PRKCZ: variants seen among roughly 807,000 people sequenced by gnomAD.
PRKCZ encodes the protein protein kinase C zeta type.
A neutral mutation model predicts 79.5 loss-of-function variants in PRKCZ; 33 were observed. The ratio of observed to expected loss-of-function variants is 0.41; its 90% CI spans 0.31 to 0.55. The LOEUF (loss-of-function observed/expected upper bound fraction) is 0.55. PRKCZ is among the 20% of genes least tolerant of loss of function. PRKCZ has a pLI of 0.19. For missense variants in PRKCZ, 578 were observed against 813.5 expected, an observed-to-expected ratio of 0.71 and a Z score of 3.52; for synonymous variants, 342 against 320.9, an observed-to-expected ratio of 1.07 and a Z score of -0.70.
chr1:2,146,019 T>C lies in PRKCZ; in HGVS notation c.553-8T>C. On this transcript the variant is annotated splice_region_variant and splice_polypyrimidine_tract_variant and intron_variant, in intron 6 of 17. Transcript: ENST00000378567. ...GGTCATGCTGCCATCTCTGTGTCTC[T>C]CCGGCAGGATTCTGTCATGCCTTCC... The C allele has an allele frequency of 6.2e-7, 1 of 1,608,966 alleles. No homozygotes were observed. The highest frequency in any genetic ancestry group is 8.5e-7 in the Non-Finnish European group (1 of 1,175,306).
At chr1:2,151,470 CT>C (rs1241901421) in intron 9 of PRKCZ, among the ~76,000 whole-genome samples, 1 of 152,228 alleles carries the variant, frequency 6.6e-6, no homozygotes, top group Non-Finnish European at 1.5e-5. Flanking sequence ...TAGGAAATCT[CT>C]GGGGTTGAGC....
Position 2,082,920 on chromosome 1 carries a change from A to AG in PRKCZ, c.334+23332dup, listed in dbSNP as rs1231900422. 6.6e-6 allele frequency among the ~76,000 whole-genome samples: 1 copy of AG among 151,400 alleles called. No individual in the cohort carries two copies. ...GAGAGGGTGGCAGTGAGGGCGCGAG[A>AG]GGGTGGAGGGGCGGCATGAGGGAGC... On this transcript the variant is annotated intron_variant, in intron 4 of 17. Coordinates refer to ENST00000378567, the MANE Select transcript of PRKCZ (RefSeq NM_002744.6). The surrounding 1 kb of genome is among the most constrained non-coding windows in gnomAD (Gnocchi z 4.4).
chr1:2,050,128 C>T (rs1659498740), upstream of PRKCZ: 1 of 152,066 alleles, frequency 6.6e-6, no homozygotes, highest in Non-Finnish European at 1.5e-5. Flanking sequence ...AGCGAGTTCC[C>T]GGGGGCGCCG....
rs113812918 is a variant in PRKCZ, at chr1:2,173,976, C to T, written c.1365C>T (p.Thr455=). ...MAGRSPFDII[T]DNPDMNTEDY... is the part of the protein sequence containing the mutation. ...GGCGCTCCCCGTTCGACATCATCAC[C>T]GACAACCCGGACATGAACACAGAGG... The change falls in exon 14 of 18, where the codon ACC becomes ACT. Residue 455 remains threonine (T), a synonymous_variant. Transcript: ENST00000378567. This position sits in a 1 kb window ranked among gnomAD's most constrained non-coding sequence, Gnocchi z 5.7. 6.6e-4 allele frequency: 1,065 copies of T among 1,612,794 alleles called. 1 individual carries two copies. Among genetic ancestry groups the T allele is most frequent in the Middle Eastern group, 2.3e-3 (14 of 6,052 alleles).
At chr1:2,069,623 G>T (rs1180520880) in intron 4 of PRKCZ, among the ~76,000 whole-genome samples, 1 of 152,212 alleles carries the variant, frequency 6.6e-6, no homozygotes, top group African/African-American at 2.4e-5. Flanking sequence ...GACAGCCAGG[G>T]CCCTTTCTGC....
At position 2,149,270 on chromosome 1, in the gene PRKCZ, C is replaced by G. The variant is rs1679354928; in HGVS notation, c.687+346C>G. 6.6e-6 allele frequency among the ~76,000 whole-genome samples: 1 copy of G among 152,224 alleles called. No homozygotes were observed. Among genetic ancestry groups the G allele is most frequent in the African/African-American group, 2.4e-5 (1 of 41,444 alleles). On this transcript the variant is annotated intron_variant, in intron 8 of 17. Transcript: ENST00000378567. This position sits in a 1 kb window ranked among gnomAD's most constrained non-coding sequence, Gnocchi z 4.1. ...TCAAGTTGTGTCTGCACCATGCCTTCCGAATTGTGTTGCCTCATTTGGCCA... is the reference window on the plus strand; with the variant it reads ...TCAAGTTGTGTCTGCACCATGCCTTGCGAATTGTGTTGCCTCATTTGGCCA...
At chr1:2,053,474 G>A (rs370826658) in intron 1 of PRKCZ, among the ~76,000 whole-genome samples, 9 of 152,324 alleles carry the variant, frequency 5.9e-5, no homozygotes, top group East Asian at 3.9e-4. Flanking sequence ...CAACAGAGAC[G>A]CAGGAGTCTC....
In PRKCZ at chr1:2,147,179, C is replaced by T. The variant is rs553354220; in HGVS notation, c.634+1071C>T. Among the ~76,000 whole-genome samples, 6 of 151,968 alleles carry T rather than the reference C, an allele frequency of 3.9e-5. No homozygotes were observed. The South Asian group carries it at 1.2e-3, about 32-fold the overall frequency. On this transcript the variant is annotated intron_variant, in intron 7 of 17. Transcript: ENST00000378567. ...GTCTATCCGTCTATTGTCCACTGAC[C>T]TCTCCATCCAACCGTCTATTGTCCA... is the stretch of plus-strand genomic sequence containing the variant.
intron 4 of PRKCZ, among the ~76,000 whole-genome samples, chr1:2,064,767 G>A (rs1219738849): frequency 1.3e-5 from 2 of 152,200 alleles, no homozygotes; most frequent in East Asian, 3.8e-4. Flanking sequence ...TAGCTTTGTA[G>A]GAAGTTTTGA....
chr1:2,088,239 C>T (rs1224627251), intron 4 of PRKCZ, among the ~76,000 whole-genome samples: 1 of 152,134 alleles, frequency 6.6e-6, no homozygotes, highest in Non-Finnish European at 1.5e-5. Context: ...CACAGCTCTG[C>T]CCCCGTCTGT....
chr1:2,058,877 A>G (rs1660423008), intron 3 of PRKCZ, among the ~76,000 whole-genome samples: 1 of 152,210 alleles, frequency 6.6e-6, no homozygotes, highest in Non-Finnish European at 1.5e-5. Flanking sequence ...GCCTGGGCAC[A>G]GAGTGAGACT....
chr1:2,175,564 C>T (rs1167007318), intron 16 of PRKCZ, among the ~76,000 whole-genome samples: 1 of 119,644 alleles, frequency 8.4e-6, no homozygotes, highest in Non-Finnish European at 1.9e-5. Context: ...CCAACCCCTA[C>T]ACCCCCAACC....
In PRKCZ at chr1:2,149,366, C is replaced by G. The variant is rs925549503; in HGVS notation, c.687+442C>G. On this transcript the variant is annotated intron_variant, in intron 8 of 17. Transcript: ENST00000378567. This position sits in a 1 kb window ranked among gnomAD's most constrained non-coding sequence, Gnocchi z 4.1. ...AGCCAAGAGGCTCAACTGAGCCTCA[C>G]GTCTGTGGCCAGCTCTGCACCATAA... Among the ~76,000 whole-genome samples the G allele has an allele frequency of 2.6e-5, 4 of 152,234 alleles. No individual in the cohort carries two copies. The highest frequency in any genetic ancestry group is 2.6e-4 in the Admixed American group (4 of 15,284).
chr1:2,116,423 G>C (rs1670776648), intron 4 of PRKCZ: 1 of 152,322 alleles, frequency 6.6e-6, no homozygotes, highest in East Asian at 1.9e-4. Context: ...ATGTCATTGG[G>C]GGGTCCGTCT....
chr1:2,152,417 C>T (rs1308177261), intron 9 of PRKCZ, among the ~76,000 whole-genome samples: 1 of 152,064 alleles, frequency 6.6e-6, no homozygotes, highest in Non-Finnish European at 1.5e-5. Flanking sequence ...CCTCTAATCC[C>T]AGCTACTCAG....
At chr1:2,171,113 G>A (rs1484845876) in intron 11 of PRKCZ, among the ~76,000 whole-genome samples, 4 of 152,026 alleles carry the variant, frequency 2.6e-5, no homozygotes, top group East Asian at 1.9e-4. Context: ...GGCGGATCAC[G>A]AGGTCAGGAG....
At position 2,165,284 on chromosome 1, in the gene PRKCZ, G is replaced by A. The variant is rs985845602; in HGVS notation, c.975-4234G>A. ...GCCCTGTAATGACGGTGCTGTCACC[G>A]CTGTGATGTCCGCTGTGAGGTGGGG... On this transcript the variant is annotated intron_variant, in intron 10 of 17. Coordinates refer to ENST00000378567, the MANE Select transcript of PRKCZ (RefSeq NM_002744.6). The surrounding 1 kb of genome is among the most constrained non-coding windows in gnomAD (Gnocchi z 4.1). Among the ~76,000 whole-genome samples the A allele has an allele frequency of 2.6e-5, 4 of 152,182 alleles. No individual in the cohort carries two copies. The highest frequency in any genetic ancestry group is 6.5e-5 in the Admixed American group (1 of 15,274).
intron 3 of PRKCZ, among the ~76,000 whole-genome samples, chr1:2,057,007 T>A (rs570877288): frequency 6.6e-6 from 1 of 152,264 alleles, no homozygotes; most frequent in Admixed American, 6.5e-5. Context: ...GGATTACAGA[T>A]GTGAGCCACC....
At chr1:2,102,676 C>G (rs1667699524) in intron 4 of PRKCZ, among the ~76,000 whole-genome samples, 1 of 152,088 alleles carries the variant, frequency 6.6e-6, no homozygotes, top group South Asian at 2.1e-4. Context: ...TGATAGATTT[C>G]TAGAAACTTC....
Sources: allele counts gnomAD v4.1 joint callset (sites outside exome capture counted in the v4.1 genomes callset), GRCh38; gene constraint gnomAD v4.1.1; non-coding constraint Gnocchi (gnomAD v3.1); transcripts MANE v1.5; gene names NCBI Gene and HGNC (gene_info 2026-07-23, HGNC 2026-07-21).